RREB1: variants seen among roughly 807,000 people sequenced by gnomAD.
RREB1 encodes the protein ras-responsive element-binding protein 1.
RREB1 carries 27 observed loss-of-function variants against 117.8 expected under a neutral mutation model. That is an observed-to-expected ratio of 0.23 (90% CI 0.17 to 0.32). RREB1 has a LOEUF of 0.32. RREB1 is among the 10% of genes least tolerant of loss of function. The pLI is 1.00. For missense variants in RREB1, 2,577 were observed against 2,378.2 expected (o/e 1.08, Z -1.74); for synonymous variants, 1,298 against 1,026.7 (o/e 1.26, Z -5.05).
chr6:7,196,352 A>C (rs900581814), intron 6 of RREB1, among the ~76,000 whole-genome samples: 3 of 148,642 alleles, frequency 2.0e-5, no homozygotes, highest in Non-Finnish European at 4.4e-5. Flanking sequence ...AACTCACTCT[A>C]TTTCCTTTGG....
intron 1 of RREB1, among the ~76,000 whole-genome samples, chr6:7,170,869 G>A (rs1581484879): frequency 6.6e-6 from 1 of 152,148 alleles, no homozygotes; most frequent in East Asian, 1.9e-4. Context: ...TTCATGAGCT[G>A]GTTCTCAGGG....
chr6:7,221,520 A>G (rs1767259485), intron 8 of RREB1, among the ~76,000 whole-genome samples: 1 of 152,210 alleles, frequency 6.6e-6, no homozygotes, highest in African/African-American at 2.4e-5. Flanking sequence ...GCTGCACCAC[A>G]TGCTTCTGGT....
chr6:7,140,671 T>A (rs141623074), intron 1 of RREB1: 1 of 152,370 alleles, frequency 6.6e-6, no homozygotes, highest in Non-Finnish European at 1.5e-5. Flanking sequence ...GGTCCTCGCC[T>A]TTTACTCCTT....
At position 7,230,079 on chromosome 6, in the gene RREB1, C is replaced by T. The variant is rs752342819; in HGVS notation, c.1980C>T (p.Ala660=). ...QVFAFSGVLR[A]HVRSHLGISP... is the part of the protein sequence containing the mutation. ...TTGCCTTCTCGGGGGTCTTGCGTGC[C>T]CACGTGCGCTCCCACCTGGGCATCT... Residue 660 remains alanine, a synonymous_variant, in exon 10 of 13, where the codon GCC becomes GCT. Transcript: ENST00000379938. 5.0e-6 allele frequency: 8 copies of T among 1,602,356 alleles called. No homozygotes were observed. Among genetic ancestry groups the T allele is most frequent in the Non-Finnish European group, 5.1e-6 (6 of 1,173,080 alleles).
At chr6:7,140,764 G>GGGT (rs1762529810) in intron 1 of RREB1, 1 of 152,276 alleles carries the variant, frequency 6.6e-6, no homozygotes, top group African/African-American at 2.4e-5. Context: ...TTGTTCCTTA[G>GGGT]GGTGGTGTCC....
At chr6:7,140,334 C>T (rs1762512262) in intron 1 of RREB1, among the ~76,000 whole-genome samples, 1 of 152,134 alleles carries the variant, frequency 6.6e-6, no homozygotes, top group South Asian at 2.1e-4. Context: ...CAACACTTAT[C>T]GTGGTGATTC....
rs1235936946 is a variant in RREB1, at chr6:7,240,481, T to C, written c.3852T>C (p.Ser1284=). ...GTCAAAAATGCGATGCCTTCTTTTCTACCAAATCTAACTGTGAACGCCACC... is the reference window on the plus strand; with the variant it reads ...GTCAAAAATGCGATGCCTTCTTTTCCACCAAATCTAACTGTGAACGCCACC... The part of the protein sequence containing the change: ...FPCQKCDAFF[S]TKSNCERHQL... Residue 1284 remains serine (S), a synonymous_variant, in exon 11 of 13, where the codon TCT becomes TCC. Transcript: ENST00000379938. 1 of 1,614,032 alleles carries C rather than the reference T, an allele frequency of 6.2e-7. No homozygotes were observed. Among genetic ancestry groups the C allele is most frequent in the Admixed American group, 1.7e-5 (1 of 60,020 alleles).
intron 1 of RREB1, among the ~76,000 whole-genome samples, chr6:7,154,812 T>C (rs1240776123): frequency 2.0e-5 from 3 of 152,206 alleles, no homozygotes; most frequent in Non-Finnish European, 2.9e-5. Context: ...GGTAGTCTTT[T>C]CATTTTTTCT....
At chr6:7,157,913 C>G (rs1763461650) in intron 1 of RREB1, among the ~76,000 whole-genome samples, 1 of 152,118 alleles carries the variant, frequency 6.6e-6, no homozygotes, top group Non-Finnish European at 1.5e-5. Context: ...CTCCTGGGGA[C>G]CTCATCCTTG....
chr6:7,215,363 A>G (rs930283576), intron 8 of RREB1: 1 of 152,078 alleles, frequency 6.6e-6, no homozygotes, highest in African/African-American at 2.4e-5. Context: ...CATTTTGAGG[A>G]TCTCGTTCTG....
intron 1 of RREB1, among the ~76,000 whole-genome samples, chr6:7,124,288 A>G (rs1761813126): frequency 6.6e-6 from 1 of 152,144 alleles, no homozygotes; most frequent in African/African-American, 2.4e-5. Context: ...GTGCTCAAGA[A>G]AAGGGGGGGA....
chr6:7,221,463 C>A (rs1204099818), intron 8 of RREB1, among the ~76,000 whole-genome samples: 1 of 152,198 alleles, frequency 6.6e-6, no homozygotes, highest in Non-Finnish European at 1.5e-5. Flanking sequence ...TGAGCCACCG[C>A]GCCCGGCCGC....
chr6:7,230,406 C>T lies in RREB1; in HGVS notation c.2307C>T (p.Arg769=), dbSNP rs770305198. 2 of 1,591,334 alleles carry T rather than the reference C, an allele frequency of 1.3e-6. No individual in the cohort carries two copies. The highest frequency in any genetic ancestry group is 4.5e-5 in the East Asian group (2 of 44,664). ...GEDLKHYRAL[R]IHMRTHCGRG... Reference sequence around the variant, plus strand: ...ACCTCAAGCACTATCGTGCCCTGCGCATCCACATGCGCACGCACTGCGGCC... The same window carrying T: ...ACCTCAAGCACTATCGTGCCCTGCGTATCCACATGCGCACGCACTGCGGCC... Residue 769 remains arginine (R), a synonymous_variant, in exon 10 of 13, where the codon CGC becomes CGT. Transcript: ENST00000379938.
chr6:7,247,068 T>A lies in RREB1; in HGVS notation c.4618T>A (p.Ser1540Thr). 6.2e-7 allele frequency: 1 copy of A among 1,612,186 alleles called. No homozygotes were observed. The highest frequency in any genetic ancestry group is 1.1e-5 in the South Asian group (1 of 90,998). The change falls in exon 12 of 13, where the codon TCC becomes ACC. Residue 1540 changes from serine to threonine, a missense_variant. Ser to Thr is a moderately conservative substitution (Grantham distance 58). Transcript: ENST00000379938. The stretch of plus-strand genomic sequence containing the variant: ...CGGGGAGAGCGCGGCCGAGAAAAGG[T>A]CCTCAGAGAAGAGCGACGATGACAA... ...SDGESAAEKR[S>T]SEKSDDDKKP... is the part of the protein sequence containing the mutation.
At chr6:7,108,549 TC>T (rs1353580485) in intron 1 of RREB1, 10 of 151,968 alleles carry the variant, frequency 6.6e-5, no homozygotes, top group Admixed American at 5.9e-4. Context: ...GCCAGAAACA[TC>T]TTCCCAGCGC....
At chr6:7,111,096 C>G (rs76331273) in intron 1 of RREB1, among the ~76,000 whole-genome samples, 2,323 of 152,308 alleles carry the variant, frequency 0.015, 64 homozygotes, top group African/African-American at 0.053. Flanking sequence ...AACACAGGTA[C>G]AGCGTGTTGA....
At chr6:7,226,706 A>T in intron 9 of RREB1, 50 bp downstream of exon 9, 2 of 1,396,522 alleles carry the variant, frequency 1.4e-6, no homozygotes, top group South Asian at 2.5e-5. Context: ...TCCATGGTCC[A>T]CACAGTTAGA....
In RREB1 at chr6:7,231,040, G is replaced by T. The variant is rs1050157849; in HGVS notation, c.2941G>T (p.Val981Leu). 6.2e-7 allele frequency: 1 copy of T among 1,613,942 alleles called. No homozygotes were observed. The highest frequency in any genetic ancestry group is 1.3e-5 in the African/African-American group (1 of 75,046). The change falls in exon 10 of 13, where the codon GTA becomes TTA. Residue 981 changes from valine (V) to leucine (L), a missense_variant. By Grantham distance (32) the Val-to-Leu change is conservative. Transcript: ENST00000379938. ...CCCAGCACCCGGCCCTTCTCTTCCTGTAACTTTGGGGCCCAGCGGAATCCT... is the reference window on the plus strand; with the variant it reads ...CCCAGCACCCGGCCCTTCTCTTCCTTTAACTTTGGGGCCCAGCGGAATCCT... ...PCPAPGPSLP[V>L]TLGPSGILES...
At position 7,233,194 on chromosome 6, in the gene RREB1, C is replaced by A. The variant is rs1768108247; in HGVS notation, c.3808+1287C>A. 3.9e-5 allele frequency among the ~76,000 whole-genome samples: 6 copies of A among 152,196 alleles called. No individual in the cohort carries two copies. In the South Asian group the frequency reaches 1.2e-3, roughly 31 times the overall value. On this transcript the variant is annotated intron_variant, in intron 10 of 12. Transcript: ENST00000379938. Reference sequence around the variant, plus strand: ...TACAGGCGTGAGTCACTGCACCTGGCCTGCCCAAAAATATTTTTCAAATGT... The same window carrying A: ...TACAGGCGTGAGTCACTGCACCTGGACTGCCCAAAAATATTTTTCAAATGT...
Sources: allele counts gnomAD v4.1 joint callset (sites outside exome capture counted in the v4.1 genomes callset), GRCh38; gene constraint gnomAD v4.1.1; transcripts MANE v1.5; gene names NCBI Gene and HGNC (gene_info 2026-07-23, HGNC 2026-07-21).